The following NBPF4 variants were observed in gnomAD, a reference collection of about 807,000 sequenced individuals.
The protein encoded by NBPF4 is NBPF family member NBPF4.
In NBPF4, 11 loss-of-function variants were observed where a neutral mutation model predicts 21.1. That is an observed-to-expected ratio of 0.52 (90% confidence interval 0.33 to 0.86). The LOEUF (loss-of-function observed/expected upper bound fraction) is 0.86. NBPF4 is among the 40% of genes least tolerant of loss of function. The pLI is 0.03. For missense variants in NBPF4, 88 were observed against 265.3 expected (o/e 0.33, Z 4.64); for synonymous variants, 47 against 106.4 (o/e 0.44, Z 3.43).
chr1:108,223,697 A>T lies in NBPF4; in HGVS notation c.*8T>A, dbSNP rs200834655. On this transcript the variant is annotated 3_prime_UTR_variant, in exon 15 of 15. Coordinates refer to ENST00000415641, the MANE Select transcript of NBPF4 (RefSeq NM_001143989.3). ...TCAAGTGGAAAAGCTGCTTTTTGTG[A>T]CATTCTTTCATCCTGCCATCCTTTG... 1.7e-3 allele frequency: 2,643 copies of T among 1,570,958 alleles called. 3 individuals carry two copies. Among genetic ancestry groups the T allele is most frequent in the Non-Finnish European group, 2.1e-3 (2,381 of 1,157,776 alleles).
At chr1:108,257,938 C>T in the NBPF4 span, among the ~76,000 whole-genome samples, 6 of 141,868 alleles carry the variant, frequency 4.2e-5, no homozygotes, top group Non-Finnish European at 6.0e-5. Context: ...TTAGTAGAGA[C>T]GAGGTTTCAC....
upstream of NBPF4, among the ~76,000 whole-genome samples, chr1:108,246,413 A>C (rs1819752): frequency 0.018 from 2,011 of 110,568 alleles, 282 homozygotes; most frequent in African/African-American, 0.047. Context: ...CCTGGACTTG[A>C]TATTTTTTCT....
At chr1:108,256,575 CCCCTCCCTCCCTCTCTCCCTCCCTCCCT>C in the NBPF4 span, among the ~76,000 whole-genome samples, 1 of 93,778 alleles carries the variant, frequency 1.1e-5, no homozygotes, top group Non-Finnish European at 2.0e-5. Flanking sequence ...CTCCTCCCCT[CCCCTCCCTCCCTCTCTCCCTCCCTCCCT>C]CCCTCCCTCC....
chr1:108,268,664 T>A, the NBPF4 span, among the ~76,000 whole-genome samples: 1 of 149,592 alleles, frequency 6.7e-6, no homozygotes, highest in Non-Finnish European at 1.5e-5. Flanking sequence ...TTTGGGAATA[T>A]AATATAAAGA....
At chr1:108,257,595 A>G in the NBPF4 span, among the ~76,000 whole-genome samples, 5 of 143,520 alleles carry the variant, frequency 3.5e-5, no homozygotes, top group South Asian at 2.2e-4. Context: ...TAGATGTCAT[A>G]CCCATTTGTT....
At chr1:108,247,799 A>T (rs1355405655), upstream of NBPF4, among the ~76,000 whole-genome samples, 1 of 143,758 alleles carries the variant, frequency 7.0e-6, no homozygotes. Context: ...AGTCAGCATT[A>T]TGTTCTGGCC....
intron 13 of NBPF4, among the ~76,000 whole-genome samples, chr1:108,228,700 C>T (rs1649553532): frequency 6.7e-6 from 1 of 150,368 alleles, no homozygotes; most frequent in Admixed American, 6.6e-5. Flanking sequence ...AAGACAAAAA[C>T]CTTGGCCAAA....
chr1:108,244,901 G>GATAGATAGAT (rs1389900748), upstream of NBPF4, among the ~76,000 whole-genome samples: 2 of 12,458 alleles, frequency 1.6e-4, no homozygotes, highest in African/African-American at 5.7e-4. Context: ...TATTGTTGGA[G>GATAGATAGAT]ATATATATAT....
rs1393038709 is a variant in NBPF4 at position 108,226,651 on chromosome 1, T to C, written c.1875+28A>G. 15 of 1,307,546 alleles carry C rather than the reference T, an allele frequency of 1.1e-5. 3 individuals are homozygous for C. In the Admixed American group the frequency reaches 2.2e-4, roughly 19 times the overall value. The allele number at this position is 1,307,546 out of a possible 1,614,324, so 81.0% of individuals were successfully genotyped here. On this transcript the variant is annotated intron_variant, in intron 14 of 14. Coordinates refer to ENST00000415641, the MANE Select transcript of NBPF4 (RefSeq NM_001143989.3). The stretch of plus-strand genomic sequence containing the variant: ...CATAGACGGAGAAATAAGAAGTGAG[T>C]GCAGCTATCAGCCATAGATGTGATT...
chr1:108,268,370 A>T, the NBPF4 span, among the ~76,000 whole-genome samples: 1 of 151,994 alleles, frequency 6.6e-6, no homozygotes, highest in Non-Finnish European at 1.5e-5. Flanking sequence ...GAAAAAAGTA[A>T]GAAAGTTTCC....
At chr1:108,264,123 A>G in the NBPF4 span, among the ~76,000 whole-genome samples, 1 of 140,396 alleles carries the variant, frequency 7.1e-6, no homozygotes, top group Non-Finnish European at 1.5e-5. Flanking sequence ...ACTCATCGGT[A>G]TGCTGTATTC....
chr1:108,229,091 C>A lies in NBPF4; in HGVS notation c.1489G>T (p.Val497Leu), dbSNP rs762940951. ...SGDLSHHQSE[V>L]QVSQAQLEPS... ...TCCAGCTGTGCCTGTGAAACTTGCA[C>A]CTCTGACTGGTGGTGGCTCAAGTCT... is the stretch of plus-strand genomic sequence containing the variant. The change falls in exon 13 of 15, where the codon GTG (valine) becomes TTG (leucine). Residue 497 changes from valine (V) to leucine (L), a missense_variant. Around this residue, in one of 4 missense-constraint regions of NBPF4, gnomAD observed 60 missense variants for 86.5 expected, o/e 0.69. Coordinates refer to ENST00000415641, the MANE Select transcript of NBPF4 (RefSeq NM_001143989.3). The A allele has an allele frequency of 1.3e-6, 2 of 1,551,164 alleles. No individual in the cohort carries two copies. Among genetic ancestry groups the A allele is most frequent in the South Asian group, 1.2e-5 (1 of 84,018 alleles).
upstream of NBPF4, among the ~76,000 whole-genome samples, chr1:108,244,961 G>T (rs2254683): frequency 7.6e-5 from 6 of 79,168 alleles, no homozygotes; most frequent in South Asian, 1.2e-3. Flanking sequence ...CACACATATA[G>T]AGTTGCTCTA....
chr1:108,229,079 G>A lies in NBPF4; in HGVS notation c.1501C>T (p.Gln501Ter), dbSNP rs1345334553. The A allele has an allele frequency of 5.2e-6, 8 of 1,551,130 alleles. No individual in the cohort carries two copies. Among genetic ancestry groups the A allele is most frequent in the Non-Finnish European group, 7.0e-6 (8 of 1,146,536 alleles). Residue 501 changes from glutamine (Q) to a stop codon, truncating the protein, a stop_gained, in exon 13 of 15, where the codon CAG becomes TAG. Transcript: ENST00000415641. LOFTEE classifies it high-confidence loss of function. ...AGGGTGCTTGGTTCCAGCTGTGCCTGTGAAACTTGCACCTCTGACTGGTGG... is the reference window on the plus strand; with the variant it reads ...AGGGTGCTTGGTTCCAGCTGTGCCTATGAAACTTGCACCTCTGACTGGTGG... ...SHHQSEVQVS[Q>*]AQLEPSTLVP...
chr1:108,222,565 T>C lies in NBPF4; in HGVS notation c.*1140A>G, dbSNP rs1190174375. ...TGAAAGTTATAATTGGGGCAGAGAA[T>C]ATTCTTTTTCACAACAGAATGCCAG... On this transcript the variant is annotated 3_prime_UTR_variant, in exon 15 of 15. Coordinates refer to ENST00000415641, the MANE Select transcript of NBPF4 (RefSeq NM_001143989.3). Among the ~76,000 whole-genome samples, 1 of 152,202 alleles carries C rather than the reference T, an allele frequency of 6.6e-6. No individual in the cohort carries two copies. The highest frequency in any genetic ancestry group is 1.5e-5 in the Non-Finnish European group (1 of 68,036).
In NBPF4 at chr1:108,222,844, T is replaced by A. The variant is rs1447825158; in HGVS notation, c.*861A>T. 6.6e-6 allele frequency among the ~76,000 whole-genome samples: 1 copy of A among 152,196 alleles called. No homozygotes were observed. Among genetic ancestry groups the A allele is most frequent in the Non-Finnish European group, 1.5e-5 (1 of 68,034 alleles). On this transcript the variant is annotated 3_prime_UTR_variant, in exon 15 of 15. Coordinates refer to ENST00000415641, the MANE Select transcript of NBPF4 (RefSeq NM_001143989.3). ...CTTTCCAAATTACTTACAAATAAGATGTCTTTACAAGGGACAGAGCTCCTA... is the reference window on the plus strand; with the variant it reads ...CTTTCCAAATTACTTACAAATAAGAAGTCTTTACAAGGGACAGAGCTCCTA...
chr1:108,223,696 G>A lies in NBPF4; in HGVS notation c.*9C>T. On this transcript the variant is annotated 3_prime_UTR_variant, in exon 15 of 15. Coordinates refer to ENST00000415641, the MANE Select transcript of NBPF4 (RefSeq NM_001143989.3). ...ATCAAGTGGAAAAGCTGCTTTTTGT[G>A]ACATTCTTTCATCCTGCCATCCTTT... The A allele has an allele frequency of 6.4e-7, 1 of 1,571,340 alleles. No homozygotes were observed.
upstream of NBPF4, among the ~76,000 whole-genome samples, chr1:108,244,927 T>C (rs1571329027): frequency 2.0e-5 from 1 of 49,960 alleles, no homozygotes. Flanking sequence ...TATATATATA[T>C]ATATATATAT....
At chr1:108,234,697 G>A (rs1207491112) in intron 9 of NBPF4, among the ~76,000 whole-genome samples, 1 of 13,394 alleles carries the variant, frequency 7.5e-5, no homozygotes, top group Non-Finnish European at 1.1e-4. Flanking sequence ...TGGTAGAGTC[G>A]TGACTTACTG....
Sources: gnomAD v4.1 joint callset for allele counts (sites outside exome capture counted in the v4.1 genomes callset) on GRCh38, gnomAD v4.1.1 for gene constraint, gnomAD v4.1.1 regional missense constraint, MANE v1.5 for transcripts, NCBI Gene and HGNC (gene_info 2026-07-23, HGNC 2026-07-21) for gene names.